Variants in RPP14 observed in about 807,000 individuals in gnomAD.
RPP14 encodes ribonuclease P/MRP subunit p14.
Under a neutral mutation model 17.8 loss-of-function variants are expected in RPP14, and 19 were observed. That is an observed-to-expected ratio of 1.07 (90% CI 0.74 to 1.57). The LOEUF (loss-of-function observed/expected upper bound fraction) is 1.57, where lower values mean the gene tolerates loss of function less well. Ranked by LOEUF, RPP14 falls within the 40% of genes most tolerant of loss-of-function variation. The pLI is 0.00. For synonymous variants in RPP14, 60 were observed against 56.4 expected (o/e 1.06, Z -0.29); for missense variants, 125 against 140.8 (o/e 0.89, Z 0.57).
At chr3:58,317,042 A>G (rs1402249268) in intron 5 of RPP14, 49 bp downstream of exon 5, 1 of 1,323,762 alleles carries the variant, frequency 7.6e-7, no homozygotes, top group Non-Finnish European at 1.1e-6. Flanking sequence ...GTGATGGGTC[A>G]ACTGCTTCTT....
chr3:58,312,462 G>A (rs566470632), intron 3 of RPP14, among the ~76,000 whole-genome samples: 2 of 151,718 alleles, frequency 1.3e-5, no homozygotes, highest in East Asian at 3.9e-4. Flanking sequence ...TTAAAACTGT[G>A]TTTGAAATTG....
At chr3:58,306,551 T>C (rs1292278593) in intron 1 of RPP14, 134 bp downstream of exon 1, 1 of 152,222 alleles carries the variant, frequency 6.6e-6, no homozygotes, top group Non-Finnish European at 1.5e-5. Flanking sequence ...TGAGGGCCTC[T>C]GTACGGCGCC....
chr3:58,307,469 A>G (rs1399487361), intron 1 of RPP14, among the ~76,000 whole-genome samples: 2 of 152,206 alleles, frequency 1.3e-5, no homozygotes, highest in Non-Finnish European at 2.9e-5. Context: ...CATGCCTGTA[A>G]TCCCAGCACT....
chr3:58,307,668 G>A (rs926985782), intron 1 of RPP14: 9 of 152,220 alleles, frequency 5.9e-5, no homozygotes, highest in South Asian at 2.1e-4. Context: ...TCCAGCCTGG[G>A]CGACAGAGTG....
chr3:58,307,577 T>C (rs2097476858), intron 1 of RPP14, among the ~76,000 whole-genome samples: 1 of 152,130 alleles, frequency 6.6e-6, no homozygotes, highest in Middle Eastern at 3.2e-3. Flanking sequence ...AATACAAAAG[T>C]TAGCTGGGCG....
rs755100252 is a variant in RPP14, at chr3:58,310,407, G to A, written c.77+1G>A. ...AGTACCACTACATGAAAGTCTGCCT[G>A]TAAGTTTAGTTTCCTAAGTTCTATT... On this transcript the variant is annotated splice_donor_variant, in intron 2 of 5. Transcript: ENST00000295959. LOFTEE classifies it high-confidence loss of function. The A allele has an allele frequency of 1.9e-6, 3 of 1,613,530 alleles. No individual in the cohort carries two copies. The highest frequency in any genetic ancestry group is 2.2e-5 in the East Asian group (1 of 44,870).
At chr3:58,311,661 T>C (rs1446494195) in intron 3 of RPP14, among the ~76,000 whole-genome samples, 2 of 141,400 alleles carry the variant, frequency 1.4e-5, no homozygotes, top group African/African-American at 2.6e-5. Context: ...ACTTAAGTTC[T>C]ACATTTTGCC....
At chr3:58,310,896 C>T (rs1456309714) in intron 3 of RPP14, among the ~76,000 whole-genome samples, 2 of 149,240 alleles carry the variant, frequency 1.3e-5, no homozygotes, top group East Asian at 3.9e-4. Context: ...CGCCACTGCA[C>T]TCCAGCCTGG....
Position 58,318,348 on chromosome 3 carries a change from T to C in RPP14, c.*852T>C. The C allele has an allele frequency of 4.9e-6, 2 of 405,722 alleles. No individual in the cohort carries two copies. Among genetic ancestry groups the C allele is most frequent in the East Asian group, 3.9e-5 (1 of 25,638 alleles). The allele number at this position is 405,722 out of a possible 1,614,324, so 25.1% of individuals were successfully genotyped here. A position where few individuals can be genotyped will look rare whatever the true frequency, so the allele number is the denominator to read the frequency against. The stretch of plus-strand genomic sequence containing the variant: ...TCATTATCTGCCTGGGTTTTTTGTT[T>C]GTTTTTTGTTTTTTAATTCAAGAAG... On this transcript the variant is annotated 3_prime_UTR_variant, in exon 6 of 6. Coordinates refer to ENST00000295959, the MANE Select transcript of RPP14 (RefSeq NM_007042.6).
intron 3 of RPP14, among the ~76,000 whole-genome samples, chr3:58,314,952 T>C (rs1352505951): frequency 6.6e-6 from 1 of 152,132 alleles, no homozygotes; most frequent in Admixed American, 6.6e-5. Flanking sequence ...CCCAAAGTGC[T>C]GGGATTACAG....
At chr3:58,309,559 A>G (rs1447898048) in intron 1 of RPP14, among the ~76,000 whole-genome samples, 1 of 152,172 alleles carries the variant, frequency 6.6e-6, no homozygotes, top group African/African-American at 2.4e-5. Flanking sequence ...CCTTAGTTTG[A>G]TCAGAATTAG....
rs756832975 is a variant in RPP14, at chr3:58,316,915, T to C, written c.240T>C (p.Ser80=). 2.5e-6 allele frequency: 4 copies of C among 1,612,436 alleles called. No homozygotes were observed. Among genetic ancestry groups the C allele is most frequent in the Non-Finnish European group, 3.4e-6 (4 of 1,178,944 alleles). The change falls in exon 5 of 6, where the codon AGT becomes AGC. Residue 80 remains serine, a splice_region_variant and synonymous_variant. Coordinates refer to ENST00000295959, the MANE Select transcript of RPP14 (RefSeq NM_007042.6). ...ATGTATTTTCTTGATCTTTCTGCAG[T>C]GGTCTTGTCAAATTGTGGAGCTCTT... ...TLSAILRICS[S]GLVKLWSSLT...
At chr3:58,308,407 TG>T (rs1484706390) in intron 1 of RPP14, among the ~76,000 whole-genome samples, 6 of 152,092 alleles carry the variant, frequency 3.9e-5, no homozygotes, top group Non-Finnish European at 7.4e-5. Context: ...CCTCAGCCCC[TG>T]GAGTAGCTGG....
intron 1 of RPP14, chr3:58,307,821 A>G (rs1559791820): frequency 6.6e-6 from 1 of 152,042 alleles, no homozygotes; most frequent in Non-Finnish European, 1.5e-5. Context: ...CCTCTCCTTT[A>G]ATGTCAGAAC....
intron 3 of RPP14, among the ~76,000 whole-genome samples, chr3:58,311,624 CT>C (rs1336763272): frequency 1.1e-3 from 163 of 144,082 alleles, no homozygotes; most frequent in Admixed American, 1.5e-3. Context: ...ATATATACCA[CT>C]TTTTTTTTTT....
chr3:58,312,593 A>G (rs1009403508), intron 3 of RPP14, among the ~76,000 whole-genome samples: 2 of 152,170 alleles, frequency 1.3e-5, no homozygotes, highest in Non-Finnish European at 2.9e-5. Flanking sequence ...AGTGTGGCCT[A>G]GACTGGCACC....
chr3:58,306,980 G>A (rs968398011), intron 1 of RPP14, among the ~76,000 whole-genome samples: 5 of 152,234 alleles, frequency 3.3e-5, no homozygotes, highest in African/African-American at 1.2e-4. Flanking sequence ...GAAGGGCACT[G>A]GGCCAACCCG....
In RPP14 at chr3:58,317,831, C is replaced by G. The variant is rs1205380739; in HGVS notation, c.*335C>G. On this transcript the variant is annotated 3_prime_UTR_variant, in exon 6 of 6. Transcript: ENST00000295959. ...CCTTTGCATTTGAATGAAGACTTTG[C>G]AAAACACACCAAGTTTGGAAATACA... 2.8e-6 allele frequency: 2 copies of G among 702,904 alleles called. No individual in the cohort carries two copies. Among genetic ancestry groups the G allele is most frequent in the African/African-American group, 3.5e-5 (2 of 57,254 alleles). 43.5% of individuals were successfully genotyped at this position (702,904 alleles called of 1,614,324 possible). A position where few individuals can be genotyped will look rare whatever the true frequency, so the allele number is the denominator to read the frequency against.
rs1559796252 is a variant in RPP14, at chr3:58,317,430, T to G, written c.319-10T>G. On this transcript the variant is annotated splice_polypyrimidine_tract_variant and intron_variant, in intron 5 of 5. Transcript: ENST00000295959. ...CTCCCAATGCCTTAACCTTTTTCTTTCTCTTCTAGGTTTCTCCATTTCTTC... is the reference window on the plus strand; with the variant it reads ...CTCCCAATGCCTTAACCTTTTTCTTGCTCTTCTAGGTTTCTCCATTTCTTC... 6.3e-7 allele frequency: 1 copy of G among 1,583,122 alleles called. No individual in the cohort carries two copies. Among genetic ancestry groups the G allele is most frequent in the South Asian group, 1.1e-5 (1 of 89,854 alleles).
Sources: allele counts gnomAD v4.1 joint callset (sites outside exome capture counted in the v4.1 genomes callset), GRCh38; gene constraint gnomAD v4.1.1; transcripts MANE v1.5; gene names NCBI Gene and HGNC (gene_info 2026-07-23, HGNC 2026-07-21).